The following XRCC4 variants were observed in gnomAD, a reference collection of about 807,000 sequenced individuals.
XRCC4 encodes X-ray repair cross complementing 4.
A neutral mutation model predicts 39.1 loss-of-function variants in XRCC4; 28 were observed. The observed-to-expected ratio is 0.72, with a 90% CI of 0.53 to 0.98. The LOEUF is 0.98. Among genes scored for constraint, XRCC4 ranks in the 50% least tolerant of loss-of-function variants. The pLI is 0.00. For synonymous variants in XRCC4, 123 were observed against 126.4 expected, an observed-to-expected ratio of 0.97 and a Z score of 0.18; for missense variants, 350 against 376.4, an observed-to-expected ratio of 0.93 and a Z score of 0.58.
intron 7 of XRCC4, among the ~76,000 whole-genome samples, chr5:83,338,817 TA>T (rs529518415): frequency 8.6e-4 from 131 of 152,318 alleles, no homozygotes; most frequent in Non-Finnish European, 1.6e-3. Context: ...TAAGTGAACA[TA>T]ACACAGCTGT....
At position 83,197,453 on chromosome 5, in the gene XRCC4, G is replaced by A. The variant is rs369276421; in HGVS notation, c.482+1517G>A. 2.0e-5 allele frequency among the ~76,000 whole-genome samples: 3 copies of A among 152,214 alleles called. No individual in the cohort carries two copies. In the East Asian group the frequency reaches 5.8e-4, roughly 29 times the overall value. On this transcript the variant is annotated intron_variant, in intron 4 of 7. Transcript: ENST00000396027. ...TACAAAAATGCAGACTGGGTACTTG[G>A]TACTTGAACAAATTGCTTTAAAATG...
chr5:83,261,042 T>G (rs1753728512), intron 7 of XRCC4, among the ~76,000 whole-genome samples: 1 of 151,988 alleles, frequency 6.6e-6, no homozygotes, highest in Admixed American at 6.6e-5. Flanking sequence ...ATTATGTATT[T>G]TTTTCTTATT....
At chr5:83,276,347 G>A (rs1185430446) in intron 7 of XRCC4, among the ~76,000 whole-genome samples, 1 of 150,182 alleles carries the variant, frequency 6.7e-6, no homozygotes, top group Non-Finnish European at 1.5e-5. Flanking sequence ...AATCCATGAT[G>A]AAATTTAATC....
chr5:83,136,524 C>T (rs188279639), intron 3 of XRCC4, among the ~76,000 whole-genome samples: 1 of 152,188 alleles, frequency 6.6e-6, no homozygotes, highest in East Asian at 1.9e-4. Context: ...CGTTCCCCAA[C>T]TTTAATAAAA....
At chr5:83,149,027 C>G (rs1580293789) in intron 3 of XRCC4, among the ~76,000 whole-genome samples, 2 of 152,150 alleles carry the variant, frequency 1.3e-5, no homozygotes, top group Non-Finnish European at 2.9e-5. Flanking sequence ...CTATCCAAAG[C>G]AAGACCTTTG....
At chr5:83,179,116 A>G (rs1480381735) in intron 3 of XRCC4, among the ~76,000 whole-genome samples, 1 of 152,196 alleles carries the variant, frequency 6.6e-6, no homozygotes, top group Non-Finnish European at 1.5e-5. Flanking sequence ...GACTGATTTA[A>G]TTATCCATCT....
chr5:83,359,613 C>T, the XRCC4 span, among the ~76,000 whole-genome samples: 1 of 152,066 alleles, frequency 6.6e-6, no homozygotes, highest in Non-Finnish European at 1.5e-5. Context: ...GAAATCACTG[C>T]CTCCTTTTCT....
chr5:83,361,956 CT>C, the XRCC4 span, among the ~76,000 whole-genome samples: 1 of 152,090 alleles, frequency 6.6e-6, no homozygotes, highest in African/African-American at 2.4e-5. Flanking sequence ...CCTCCTTCCC[CT>C]CTCCTCTCTG....
chr5:83,350,676 G>T (rs1240707803), intron 7 of XRCC4, among the ~76,000 whole-genome samples: 1 of 152,126 alleles, frequency 6.6e-6, no homozygotes, highest in Non-Finnish European at 1.5e-5. Context: ...ACTTTTGACA[G>T]ATGCATATTT....
chr5:83,328,016 G>A (rs1756320026), intron 7 of XRCC4, among the ~76,000 whole-genome samples: 2 of 152,028 alleles, frequency 1.3e-5, no homozygotes, highest in African/African-American at 4.8e-5. Context: ...ATAAAGACAT[G>A]CCTGAGATTG....
intron 3 of XRCC4, among the ~76,000 whole-genome samples, chr5:83,140,211 G>A (rs540160920): frequency 8.5e-5 from 13 of 152,288 alleles, no homozygotes; most frequent in South Asian, 6.2e-4. Context: ...TGCAAGCTGA[G>A]GATACAGGAA....
intron 7 of XRCC4, among the ~76,000 whole-genome samples, chr5:83,262,857 T>TA (rs1419787573): frequency 1.5e-5 from 2 of 130,216 alleles, no homozygotes. Context: ...TTTTTTTTTT[T>TA]TATACTTTAA....
rs367806953 is a variant in XRCC4 at position 83,119,998 on chromosome 5, C to CAAAA, written c.315+8809_315+8812dup. On this transcript the variant is annotated intron_variant, in intron 3 of 7. Coordinates refer to ENST00000396027, the MANE Select transcript of XRCC4 (RefSeq NM_003401.5). ...AGAGACAGAGTGAGACCTTGTCTCA[C>CAAAA]AAAAAAAAAAAAAAAAACAATAACA... is the stretch of plus-strand genomic sequence containing the variant. 1.3e-3 allele frequency among the ~76,000 whole-genome samples: 78 copies of CAAAA among 61,988 alleles called. 1 individual carries two copies. Among genetic ancestry groups the CAAAA allele is most frequent in the East Asian group, 8.3e-3 (18 of 2,166 alleles). The allele number at this position is 61,988 out of a possible 152,430, so 40.7% of individuals were successfully genotyped here.
At chr5:83,313,957 GCTTT>G (rs1246311946) in intron 7 of XRCC4, among the ~76,000 whole-genome samples, 2 of 151,796 alleles carry the variant, frequency 1.3e-5, no homozygotes, top group African/African-American at 2.4e-5. Flanking sequence ...TTACTACATA[GCTTT>G]CTGAGTAAAG....
At chr5:83,162,948 CTTTCT>C (rs963127685) in intron 3 of XRCC4, among the ~76,000 whole-genome samples, 13 of 111,022 alleles carry the variant, frequency 1.2e-4, no homozygotes, top group Non-Finnish European at 2.6e-4. Flanking sequence ...TTCTTTCTTT[CTTTCT>C]TTTTTTTTTT....
chr5:83,158,954 A>G (rs1205711598), intron 3 of XRCC4, among the ~76,000 whole-genome samples: 1 of 152,174 alleles, frequency 6.6e-6, no homozygotes, highest in African/African-American at 2.4e-5. Flanking sequence ...CTGTGCTACT[A>G]TGAGCTGACG....
intron 3 of XRCC4, among the ~76,000 whole-genome samples, chr5:83,132,894 A>C (rs993237018): frequency 1.3e-5 from 2 of 152,124 alleles, no homozygotes; most frequent in African/African-American, 4.8e-5. Context: ...TCAACTTGTC[A>C]GAGTCATTCT....
At chr5:83,186,847 C>T (rs1344668649) in intron 3 of XRCC4, among the ~76,000 whole-genome samples, 1 of 152,128 alleles carries the variant, frequency 6.6e-6, no homozygotes, top group Non-Finnish European at 1.5e-5. Context: ...GTCAGTAGGG[C>T]TGTGTTCTGG....
intron 6 of XRCC4, among the ~76,000 whole-genome samples, chr5:83,210,835 T>C (rs1751616120): frequency 6.6e-6 from 1 of 152,194 alleles, no homozygotes; most frequent in South Asian, 2.1e-4. Flanking sequence ...TTCTTCAGAT[T>C]TTGACTTAGT....
Sources: allele counts gnomAD v4.1 joint callset (sites outside exome capture counted in the v4.1 genomes callset), GRCh38; gene constraint gnomAD v4.1.1; transcripts MANE v1.5; gene names NCBI Gene and HGNC (gene_info 2026-07-23, HGNC 2026-07-21).